The following GLI3 variants were observed in gnomAD, a reference collection of about 807,000 sequenced individuals.
GLI3 encodes the protein transcription activator GLI3.
In GLI3, 20 loss-of-function variants were observed where a neutral mutation model predicts 100.8. The observed-to-expected ratio is 0.20, with a 90% CI of 0.14 to 0.29. The LOEUF is 0.29. Ranked by LOEUF, GLI3 falls within the 10% of genes least tolerant of loss-of-function variation. The pLI is 1.00. For missense variants in GLI3, 2,040 were observed against 2,128.5 expected (o/e 0.96, Z 0.82); for synonymous variants, 938 against 860.5 (o/e 1.09, Z -1.58).
intron 2 of GLI3, among the ~76,000 whole-genome samples, chr7:42,194,747 C>T (rs1367697701): frequency 7.9e-6 from 1 of 126,644 alleles, no homozygotes; most frequent in Non-Finnish European, 1.6e-5. Context: ...GCATCAACTT[C>T]TCTCTCTGTC....
At chr7:42,144,176 G>A (rs1026556839) in intron 3 of GLI3, among the ~76,000 whole-genome samples, 1 of 152,230 alleles carries the variant, frequency 6.6e-6, no homozygotes, top group African/African-American at 2.4e-5. Flanking sequence ...AATGAAAGCA[G>A]GGAGAGATGG....
chr7:42,027,269 T>C (rs1386031331), intron 7 of GLI3, among the ~76,000 whole-genome samples: 1 of 152,218 alleles, frequency 6.6e-6, no homozygotes, highest in African/African-American at 2.4e-5. Context: ...CTTAAAAGAA[T>C]GGAGTGTTCT....
At chr7:42,113,936 G>A (rs1486429557) in intron 3 of GLI3, among the ~76,000 whole-genome samples, 1 of 152,116 alleles carries the variant, frequency 6.6e-6, no homozygotes, top group Admixed American at 6.5e-5. Flanking sequence ...AAACCTTGTG[G>A]GAGGGAAAAA....
intron 11 of GLI3, 34 bp from the exon 12 acceptor site, chr7:41,977,756 A>G (rs772686109): frequency 1.3e-6 from 2 of 1,591,496 alleles, no homozygotes; most frequent in South Asian, 2.2e-5. Flanking sequence ...ATTACTCTGC[A>G]CAATGGCAAC....
At position 42,217,182 on chromosome 7, in the gene GLI3, G is replaced by A. The variant is rs561040828; in HGVS notation, c.124+5948C>T. ...AGTAGGTTGGCCTGAAGAGACACAC[G>A]AGCGAGTAATTACAGAGGAAAATCT... On this transcript the variant is annotated intron_variant, in intron 2 of 14. Coordinates refer to ENST00000395925, the MANE Select transcript of GLI3 (RefSeq NM_000168.6). Among the ~76,000 whole-genome samples, 6 of 152,268 alleles carry A rather than the reference G, an allele frequency of 3.9e-5. No homozygotes were observed. The South Asian group carries it at 6.2e-4, about 16-fold the overall frequency.
At chr7:42,101,740 G>A (rs1368626916) in intron 3 of GLI3, among the ~76,000 whole-genome samples, 1 of 150,032 alleles carries the variant, frequency 6.7e-6, no homozygotes, top group African/African-American at 2.5e-5. Context: ...CATTGTGCAG[G>A]TTAGTTACAT....
rs550556645 is a variant in GLI3, at chr7:42,262,045, T to C, written c.-43+1949A>G. On this transcript the variant is annotated intron_variant, in intron 1 of 2. Coordinates refer to the GLI3 transcript ENST00000678978. Reference sequence around the variant, plus strand: ...CTCTCTCTCTCTTTCTTTCTTTCTTTCTTTTTTCTTTCCTCCCTCTCTCTC... The same window carrying C: ...CTCTCTCTCTCTTTCTTTCTTTCTTCCTTTTTTCTTTCCTCCCTCTCTCTC... Among the ~76,000 whole-genome samples, 9 of 151,420 alleles carry C rather than the reference T, an allele frequency of 5.9e-5. No individual in the cohort carries two copies. The East Asian group carries it at 1.6e-3, about 26-fold the overall frequency.
Position 41,966,322 on chromosome 7 carries a change from G to A in GLI3, c.2751C>T (p.Ser917=), listed in dbSNP as rs1787181517. 4.4e-6 allele frequency: 7 copies of A among 1,607,632 alleles called. No homozygotes were observed. Among genetic ancestry groups the A allele is most frequent in the Non-Finnish European group, 5.9e-6 (7 of 1,179,194 alleles). ...SEASQSDGLP[S]LLSLTPAQQY... is the part of the protein sequence containing the mutation. ...GCTGGGCGGGCGTGAGGCTGAGCAG[G>A]CTGGGCAGGCCGTCGCTCTGGCTGG... The change falls in exon 15 of 15, where the codon AGC becomes AGT. Residue 917 remains serine (S), a synonymous_variant. Transcript: ENST00000395925. The surrounding 1 kb of genome is among the most constrained non-coding windows in gnomAD (Gnocchi z 5.8).
chr7:42,008,023 T>C (rs1358161521), intron 10 of GLI3, among the ~76,000 whole-genome samples: 1 of 152,228 alleles, frequency 6.6e-6, no homozygotes, highest in Non-Finnish European at 1.5e-5. Context: ...GAGTCCCTAC[T>C]TTAAACATAG....
chr7:42,023,711 G>T (rs956529737), intron 9 of GLI3, 103 bp from the exon 10 acceptor site: 1 of 1,086,314 alleles, frequency 9.2e-7, no homozygotes, highest in Non-Finnish European at 1.4e-6. Context: ...TTAGATTTGG[G>T]TCTAGGGTTT....
At chr7:42,045,323 C>T (rs1235977360) in intron 6 of GLI3, 61 bp downstream of exon 6, 1 of 1,454,288 alleles carries the variant, frequency 6.9e-7, no homozygotes, top group Non-Finnish European at 9.7e-7. Flanking sequence ...ATCTTCTTCT[C>T]TGTTTCATAA....
chr7:42,207,566 GCA>G (rs1788180800), intron 2 of GLI3, among the ~76,000 whole-genome samples: 1 of 152,094 alleles, frequency 6.6e-6, no homozygotes, highest in Non-Finnish European at 1.5e-5. Flanking sequence ...TGTAGTCAAA[GCA>G]CACAGTTTTT....
chr7:42,129,610 A>G (rs1270841867), intron 3 of GLI3, among the ~76,000 whole-genome samples: 1 of 152,126 alleles, frequency 6.6e-6, no homozygotes, highest in Non-Finnish European at 1.5e-5. Context: ...GGAGTACAAG[A>G]CCAGCCTGGC....
intron 2 of GLI3, among the ~76,000 whole-genome samples, chr7:42,208,013 G>A (rs1292011721): frequency 1.3e-5 from 2 of 152,110 alleles, no homozygotes; most frequent in African/African-American, 4.8e-5. Context: ...ACAAAAATTA[G>A]CGAGGCGTGG....
chr7:42,157,534 C>T (rs532679362), intron 2 of GLI3, among the ~76,000 whole-genome samples: 5 of 151,872 alleles, frequency 3.3e-5, no homozygotes, highest in African/African-American at 4.8e-5. Flanking sequence ...TTTAAGGATT[C>T]GAATTTTTGG....
chr7:41,964,763 T>C lies in GLI3; in HGVS notation c.4310A>G (p.Gln1437Arg). The change falls in exon 15 of 15, where the codon CAG becomes CGG. Residue 1437 changes from glutamine to arginine, a missense_variant. By Grantham distance (43) the Gln-to-Arg change is conservative. Around this residue, in one of 5 missense-constraint regions of GLI3, gnomAD observed 1,041 missense variants for 924.0 expected, o/e 1.13. Coordinates refer to ENST00000395925, the MANE Select transcript of GLI3 (RefSeq NM_000168.6). ...GQPHPLCSNL[Q>R]NYSGQFYDQT... ...GTCATAGAACTGACCAGAGTAATTCTGCAGATTAGAGCACAGCGGATGGGG... is the reference window on the plus strand; with the variant it reads ...GTCATAGAACTGACCAGAGTAATTCCGCAGATTAGAGCACAGCGGATGGGG... 1 of 1,614,022 alleles carries C rather than the reference T, an allele frequency of 6.2e-7. No individual in the cohort carries two copies. Among genetic ancestry groups the C allele is most frequent in the Non-Finnish European group, 8.5e-7 (1 of 1,179,880 alleles).
chr7:41,977,992 C>T, intron 11 of GLI3: 1 of 505,062 alleles, frequency 2.0e-6, no homozygotes, highest in Non-Finnish European at 3.6e-6. Context: ...TCATTATCTG[C>T]TCATTGATCT....
At chr7:42,127,294 T>C (rs1786158096) in intron 3 of GLI3, among the ~76,000 whole-genome samples, 1 of 152,196 alleles carries the variant, frequency 6.6e-6, no homozygotes, top group African/African-American at 2.4e-5. Context: ...AAGATGTTTT[T>C]CTCTGACACC....
chr7:42,107,309 G>A (rs1034010211), intron 3 of GLI3, among the ~76,000 whole-genome samples: 2 of 152,154 alleles, frequency 1.3e-5, no homozygotes, highest in Non-Finnish European at 2.9e-5. Context: ...CAGCCTGGGC[G>A]ACAGTGACCC....
Sources: gnomAD v4.1 joint callset for allele counts (sites outside exome capture counted in the v4.1 genomes callset) on GRCh38, gnomAD v4.1.1 for gene constraint, gnomAD v4.1.1 regional missense constraint, Gnocchi (gnomAD v3.1) non-coding constraint, MANE v1.5 for transcripts, NCBI Gene and HGNC (gene_info 2026-07-23, HGNC 2026-07-21) for gene names.